Variants in RUSC2 observed in about 807,000 individuals in gnomAD.
RUSC2 encodes the protein AP-4 complex accessory subunit RUSC2.
RUSC2 carries 34 observed loss-of-function variants against 122.2 expected under a neutral mutation model. That is an observed-to-expected ratio of 0.28 (90% confidence interval 0.21 to 0.37). The LOEUF (loss-of-function observed/expected upper bound fraction) is 0.37, where lower values mean the gene tolerates loss of function less well. Among genes scored for constraint, RUSC2 ranks in the 10% least tolerant of loss-of-function variants. The pLI, the probability that RUSC2 is intolerant of heterozygous loss-of-function variation, is 1.00. For missense variants in RUSC2, 1,747 were observed against 1,952.4 expected (o/e 0.89, Z 1.98); for synonymous variants, 784 against 790.0 (o/e 0.99, Z 0.13).
At chr9:35,496,015 A>G (rs558997300) in intron 1 of RUSC2, among the ~76,000 whole-genome samples, 31 of 152,310 alleles carry the variant, frequency 2.0e-4, no homozygotes, top group Admixed American at 5.2e-4. Context: ...TTGCTCCAAA[A>G]CAGATGAAGA....
intron 1 of RUSC2, among the ~76,000 whole-genome samples, chr9:35,517,964 T>C (rs1821141307): frequency 6.6e-6 from 1 of 152,174 alleles, no homozygotes; most frequent in Admixed American, 6.6e-5. Flanking sequence ...AGAGAACAGG[T>C]ACTCTGCCCC....
chr9:35,526,406 T>C (rs1249832909), intron 1 of RUSC2, among the ~76,000 whole-genome samples: 1 of 152,208 alleles, frequency 6.6e-6, no homozygotes, highest in Non-Finnish European at 1.5e-5. Context: ...CAACATCTTA[T>C]CACTTGATAA....
intron 1 of RUSC2, among the ~76,000 whole-genome samples, chr9:35,492,656 A>G (rs1820589890): frequency 6.9e-6 from 1 of 145,058 alleles, no homozygotes; most frequent in Non-Finnish European, 1.5e-5. Flanking sequence ...GCTGTACCAT[A>G]TTTACTCTTT....
intron 1 of RUSC2, among the ~76,000 whole-genome samples, chr9:35,499,544 A>C (rs1820784594): frequency 6.6e-6 from 1 of 152,202 alleles, no homozygotes; most frequent in South Asian, 2.1e-4. Flanking sequence ...CAAGGACAAT[A>C]GACTGATAAC....
At chr9:35,541,740 A>G (rs2163313) in intron 1 of RUSC2, among the ~76,000 whole-genome samples, 65,767 of 151,742 alleles carry the variant, frequency 0.43, 15,617 homozygotes, top group Admixed American at 0.55. Flanking sequence ...CCCCCATGCT[A>G]GGTCTACTCT....
In RUSC2 at chr9:35,561,497, T is replaced by C; in HGVS notation, c.*115T>C. ...GAGTAGACTGAGAGCTGGGGCCACGTATCCCTGTGCTGGCACCTGCTCCCT... is the reference window on the plus strand; with the variant it reads ...GAGTAGACTGAGAGCTGGGGCCACGCATCCCTGTGCTGGCACCTGCTCCCT... On this transcript the variant is annotated 3_prime_UTR_variant, in exon 12 of 12. Coordinates refer to ENST00000361226, the MANE Select transcript of RUSC2 (RefSeq NM_014806.5). The C allele has an allele frequency of 1.2e-6, 1 of 826,814 alleles. No homozygotes were observed. The highest frequency in any genetic ancestry group is 1.9e-6 in the Non-Finnish European group (1 of 522,954). 51.2% of individuals were successfully genotyped at this position (826,814 alleles called of 1,614,324 possible).
intron 1 of RUSC2, chr9:35,507,677 G>C (rs1020821482): frequency 4.3e-6 from 1 of 231,828 alleles, no homozygotes; most frequent in South Asian, 6.7e-5. Context: ...TCTAGGGAAA[G>C]CAGCATTATG....
chr9:35,523,357 T>C (rs1821251500), intron 1 of RUSC2, among the ~76,000 whole-genome samples: 1 of 152,244 alleles, frequency 6.6e-6, no homozygotes, highest in Admixed American at 6.5e-5. Flanking sequence ...TTTTAACAAA[T>C]GTACCTTGAT....
At chr9:35,501,363 G>A (rs1012836067) in intron 1 of RUSC2, among the ~76,000 whole-genome samples, 1 of 152,236 alleles carries the variant, frequency 6.6e-6, no homozygotes, top group Non-Finnish European at 1.5e-5. Context: ...AATTGCCTGA[G>A]CTCAGGAGTT....
In RUSC2 at chr9:35,557,513, C is replaced by A. The variant is rs1187413838; in HGVS notation, c.2984-401C>A. 1.3e-5 allele frequency among the ~76,000 whole-genome samples: 2 copies of A among 152,178 alleles called. No homozygotes were observed. Among genetic ancestry groups the A allele is most frequent in the Admixed American group, 6.5e-5 (1 of 15,280 alleles). The stretch of plus-strand genomic sequence containing the variant: ...CAACTTGAGGGTATGGCAGAGAGTG[C>A]TGACAAGCCATGTGTCAAAGAACCG... On this transcript the variant is annotated intron_variant, in intron 5 of 11. Coordinates refer to ENST00000361226, the MANE Select transcript of RUSC2 (RefSeq NM_014806.5). The surrounding 1 kb of genome is among the most constrained non-coding windows in gnomAD (Gnocchi z 4.6).
chr9:35,551,917 A>G (rs533583694), intron 2 of RUSC2, among the ~76,000 whole-genome samples: 85 of 151,968 alleles, frequency 5.6e-4, no homozygotes, highest in Non-Finnish European at 1.1e-3. Flanking sequence ...ATTTAAAAAC[A>G]GCTGGGAGTG....
intron 1 of RUSC2, among the ~76,000 whole-genome samples, chr9:35,508,275 C>G (rs750374773): frequency 1.9e-4 from 29 of 152,342 alleles, no homozygotes; most frequent in African/African-American, 6.3e-4. Flanking sequence ...TGCATACCCT[C>G]CTACTTGATC....
chr9:35,515,415 T>C (rs1490236076), intron 1 of RUSC2, among the ~76,000 whole-genome samples: 1 of 152,192 alleles, frequency 6.6e-6, no homozygotes, highest in Non-Finnish European at 1.5e-5. Context: ...GCTATTTTTT[T>C]TTTCAAGCCC....
At chr9:35,513,455 C>G (rs1287048365) in intron 1 of RUSC2, among the ~76,000 whole-genome samples, 1 of 151,840 alleles carries the variant, frequency 6.6e-6, no homozygotes, top group Non-Finnish European at 1.5e-5. Flanking sequence ...GTTGGCCAGA[C>G]TGGTCTTGAA....
At position 35,561,188 on chromosome 9, in the gene RUSC2, C is replaced by A; in HGVS notation, c.4357C>A (p.Gln1453Lys). ...CATGTGCTGTTTCCCCAGTGAGGTG[C>A]AGGCACTGTGCCACCACCTGGCCAC... ...ALPSSPPCEV[Q>K]ALCHHLATGP... Residue 1453 changes from glutamine (Q) to lysine (K), a missense_variant, in exon 12 of 12, where the codon CAG becomes AAG. Physicochemically the swap from Gln to Lys is moderately conservative, Grantham distance 53. Transcript: ENST00000361226. The A allele has an allele frequency of 6.2e-7, 1 of 1,614,006 alleles. No homozygotes were observed. Among genetic ancestry groups the A allele is most frequent in the Non-Finnish European group, 8.5e-7 (1 of 1,179,960 alleles).
Position 35,560,570 on chromosome 9 carries a change from A to G in RUSC2, c.3930A>G (p.Gly1310=). ...AAAAGAAAGGGGCAGGAGGTGGGGGACCTCCCCAGGCTCCACCACCCCGAG... is the reference window on the plus strand; with the variant it reads ...AAAAGAAAGGGGCAGGAGGTGGGGGGCCTCCCCAGGCTCCACCACCCCGAG... ...SEKKKGAGGG[G]PPQAPPPREG... Residue 1310 remains glycine (G), a synonymous_variant, in exon 10 of 12, where the codon GGA becomes GGG. Transcript: ENST00000361226. 1 of 1,613,010 alleles carries G rather than the reference A, an allele frequency of 6.2e-7. No homozygotes were observed. The highest frequency in any genetic ancestry group is 8.5e-7 in the Non-Finnish European group (1 of 1,179,710).
In RUSC2 at chr9:35,560,217, C is replaced by T. The variant is rs759919998; in HGVS notation, c.3577C>T (p.Arg1193Trp). The change falls in exon 10 of 12, where the codon CGG (arginine) becomes TGG (tryptophan). Residue 1193 changes from arginine (R) to tryptophan (W), a missense_variant. Physicochemically the swap from Arg to Trp is moderately radical, Grantham distance 101. Coordinates refer to ENST00000361226, the MANE Select transcript of RUSC2 (RefSeq NM_014806.5). The part of the protein sequence containing the change: ...QQQRQHKELL[R>W]VSQDLLLSAH... ...GCAGCGGCAGCACAAGGAACTGCTG[C>T]GGGTGTCCCAGGACCTGCTGCTGTC... The T allele has an allele frequency of 2.5e-6, 4 of 1,604,314 alleles. No individual in the cohort carries two copies. Among genetic ancestry groups the T allele is most frequent in the South Asian group, 1.1e-5 (1 of 90,980 alleles).
At chr9:35,550,638 C>A (rs1821871747) in intron 2 of RUSC2, among the ~76,000 whole-genome samples, 1 of 151,178 alleles carries the variant, frequency 6.6e-6, no homozygotes, top group Non-Finnish European at 1.5e-5. Flanking sequence ...AAATAAAAAA[C>A]AAAAGTGGTA....
intron 1 of RUSC2, among the ~76,000 whole-genome samples, chr9:35,520,649 CT>C (rs1279487895): frequency 6.6e-6 from 1 of 152,190 alleles, no homozygotes; most frequent in Non-Finnish European, 1.5e-5. Context: ...AGCCAGAGGG[CT>C]GCCCACACAG....
Sources: gnomAD v4.1 joint callset for allele counts (sites outside exome capture counted in the v4.1 genomes callset) on GRCh38, gnomAD v4.1.1 for gene constraint, Gnocchi (gnomAD v3.1) non-coding constraint, MANE v1.5 for transcripts, NCBI Gene and HGNC (gene_info 2026-07-23, HGNC 2026-07-21) for gene names.